SEMA3E: variants seen among roughly 807,000 people sequenced by gnomAD.
SEMA3E encodes the protein semaphorin 3E, also known as semaphorin-3E.
Under a neutral mutation model 93.6 loss-of-function variants are expected in SEMA3E, and 49 were observed. The observed-to-expected ratio is 0.52, with a 90% confidence interval of 0.42 to 0.66. SEMA3E has a LOEUF of 0.66. Ranked by LOEUF, SEMA3E falls within the 30% of genes least tolerant of loss-of-function variation. SEMA3E has a pLI of 0.00. For missense variants in SEMA3E, 906 were observed against 964.8 expected, an observed-to-expected ratio of 0.94 and a Z score of 0.81; for synonymous variants, 363 against 330.7, an observed-to-expected ratio of 1.10 and a Z score of -1.06.
intron 1 of SEMA3E, among the ~76,000 whole-genome samples, chr7:83,530,947 A>G (rs922474111): frequency 1.3e-5 from 2 of 152,188 alleles, no homozygotes; most frequent in Non-Finnish European, 2.9e-5. Context: ...TATTTTATAA[A>G]GTAATTAATA....
intron 1 of SEMA3E, among the ~76,000 whole-genome samples, chr7:83,511,655 C>G (rs74789725): frequency 0.014 from 2,132 of 152,112 alleles, 23 homozygotes; most frequent in Middle Eastern, 0.024. Context: ...AAGGGCGAGA[C>G]AGGTGGATCA....
chr7:83,564,708 C>T (rs1202875449), intron 1 of SEMA3E, among the ~76,000 whole-genome samples: 1 of 151,962 alleles, frequency 6.6e-6, no homozygotes, highest in Non-Finnish European at 1.5e-5. Flanking sequence ...ACTTTAACAC[C>T]TGACTTGGTA....
At chr7:83,515,405 C>T (rs1790905986) in intron 1 of SEMA3E, among the ~76,000 whole-genome samples, 1 of 151,736 alleles carries the variant, frequency 6.6e-6, no homozygotes, top group South Asian at 2.1e-4. Flanking sequence ...AATATTAGTG[C>T]AAATTATTAG....
At chr7:83,616,398 A>G (rs1317926190) in intron 1 of SEMA3E, among the ~76,000 whole-genome samples, 1 of 152,166 alleles carries the variant, frequency 6.6e-6, no homozygotes, top group East Asian at 1.9e-4. Context: ...TCTTAGAGAT[A>G]ACTAGCTTTG....
intron 1 of SEMA3E, among the ~76,000 whole-genome samples, chr7:83,611,998 A>T (rs2115587685): frequency 6.6e-6 from 1 of 152,236 alleles, no homozygotes; most frequent in Non-Finnish European, 1.5e-5. Context: ...CTCCACTGTT[A>T]GAATTCACAG....
At chr7:83,574,773 T>C (rs1792365697) in intron 1 of SEMA3E, among the ~76,000 whole-genome samples, 1 of 152,080 alleles carries the variant, frequency 6.6e-6, no homozygotes. Context: ...AATCCCCAAT[T>C]ATCTGCCAAC....
chr7:83,586,005 G>A (rs147560792), intron 1 of SEMA3E, among the ~76,000 whole-genome samples: 10 of 152,138 alleles, frequency 6.6e-5, no homozygotes, highest in Non-Finnish European at 1.0e-4. Flanking sequence ...TGGGTAGTGG[G>A]TTTAATGGTG....
intron 1 of SEMA3E, among the ~76,000 whole-genome samples, chr7:83,638,128 T>C (rs550350122): frequency 2.8e-4 from 43 of 152,332 alleles, no homozygotes; most frequent in Middle Eastern, 3.4e-3. Context: ...TTCTCTATGA[T>C]AACATAGCAT....
intron 1 of SEMA3E, among the ~76,000 whole-genome samples, chr7:83,647,682 T>C (rs1253033635): frequency 6.6e-6 from 1 of 152,198 alleles, no homozygotes; most frequent in Admixed American, 6.5e-5. Context: ...ACAAGACAAT[T>C]GTAGAATGAA....
At chr7:83,434,956 G>A (rs1490665840) in intron 4 of SEMA3E, among the ~76,000 whole-genome samples, 4 of 151,620 alleles carry the variant, frequency 2.6e-5, no homozygotes, top group Admixed American at 6.6e-5. Context: ...CTCGTGATCC[G>A]CCCGCCTCGG....
At chr7:83,403,381 A>G (rs758427249) in intron 9 of SEMA3E, among the ~76,000 whole-genome samples, 25 of 151,910 alleles carry the variant, frequency 1.6e-4, no homozygotes, top group Non-Finnish European at 3.1e-4. Flanking sequence ...TACTTTAACC[A>G]TATAAAACTT....
intron 1 of SEMA3E, among the ~76,000 whole-genome samples, chr7:83,567,119 C>A (rs978355282): frequency 2.4e-4 from 36 of 152,096 alleles, no homozygotes; most frequent in African/African-American, 8.5e-4. Flanking sequence ...GCTTTGCTTA[C>A]TCAGATAAAG....
chr7:83,598,930 A>G (rs1400361091), intron 1 of SEMA3E, among the ~76,000 whole-genome samples: 1 of 152,212 alleles, frequency 6.6e-6, no homozygotes, highest in East Asian at 1.9e-4. Flanking sequence ...ATGTCAGTTA[A>G]ATAAATGAAT....
At chr7:83,452,788 A>G (rs1442176924) in intron 4 of SEMA3E, among the ~76,000 whole-genome samples, 2 of 152,136 alleles carry the variant, frequency 1.3e-5, no homozygotes, top group Non-Finnish European at 2.9e-5. Context: ...ATAACCTTGG[A>G]TGTTTTAAAA....
At position 83,367,506 on chromosome 7, in the gene SEMA3E, A is replaced by AGAAGT; in HGVS notation, c.*75_*79dup. 1 of 1,413,176 alleles carries AGAAGT rather than the reference A, an allele frequency of 7.1e-7. No individual in the cohort carries two copies. Among genetic ancestry groups the AGAAGT allele is most frequent in the Non-Finnish European group, 1.0e-6 (1 of 998,956 alleles). 87.5% of individuals were successfully genotyped at this position (1,413,176 alleles called of 1,614,324 possible). On this transcript the variant is annotated 3_prime_UTR_variant, in exon 17 of 17. Transcript: ENST00000643230. Reference sequence around the variant, plus strand: ...CAGAAATCTCTTTTAAGTAATGCAAAGAAGTTGGATGATTTATTTTTTTAC... The same window carrying AGAAGT: ...CAGAAATCTCTTTTAAGTAATGCAAAGAAGTGAAGTTGGATGATTTATTTTTTTAC...
At chr7:83,562,682 A>G (rs371560972) in intron 1 of SEMA3E, among the ~76,000 whole-genome samples, 4 of 152,112 alleles carry the variant, frequency 2.6e-5, no homozygotes, top group African/African-American at 9.6e-5. Context: ...TTTGGTTTTA[A>G]CTGAACCTGG....
intron 1 of SEMA3E, among the ~76,000 whole-genome samples, chr7:83,643,972 G>A (rs1382686006): frequency 6.6e-6 from 1 of 151,866 alleles, no homozygotes; most frequent in East Asian, 1.9e-4. Context: ...AGGAACCAAA[G>A]CTATGAGCTG....
intron 1 of SEMA3E, among the ~76,000 whole-genome samples, chr7:83,519,175 T>C (rs1412695584): frequency 6.7e-6 from 1 of 149,120 alleles, no homozygotes; most frequent in African/African-American, 2.4e-5. Context: ...CCTGTGTCCA[T>C]GTGTTCTCAT....
chr7:83,415,971 T>C (rs6978128), intron 5 of SEMA3E, among the ~76,000 whole-genome samples: 151,435 of 152,222 alleles, frequency 0.99, 75,327 homozygotes, highest in Middle Eastern at 1. Context: ...TCAGAGTAAG[T>C]TCTACCGAGC....
Sources: gnomAD v4.1 joint callset for allele counts (sites outside exome capture counted in the v4.1 genomes callset) on GRCh38, gnomAD v4.1.1 for gene constraint, MANE v1.5 for transcripts, NCBI Gene and HGNC (gene_info 2026-07-23, HGNC 2026-07-21) for gene names.